The following ROBO2 variants were observed in gnomAD, a reference collection of about 807,000 sequenced individuals.
ROBO2 encodes the protein roundabout guidance receptor 2.
Under a neutral mutation model 160.8 loss-of-function variants are expected in ROBO2, and 53 were observed. That is an observed-to-expected ratio of 0.33 (90% CI 0.26 to 0.41). The LOEUF is 0.41. ROBO2 is among the 10% of genes least tolerant of loss of function. The probability of loss-of-function intolerance (pLI) is 1.00; values close to 1 mark genes in which losing one functional copy is unlikely to be tolerated. For missense variants in ROBO2, 1,577 were observed against 1,722.4 expected (o/e 0.92, Z 1.49); for synonymous variants, 664 against 611.7 (o/e 1.09, Z -1.26).
chr3:76,775,680 G>A (rs1305347822), intron 2 of ROBO2, among the ~76,000 whole-genome samples: 1 of 150,562 alleles, frequency 6.6e-6, no homozygotes, highest in Non-Finnish European at 1.5e-5. Context: ...TTTTCAGAAG[G>A]AAATATGAAT....
At chr3:76,131,669 G>C (rs1175239098) in intron 2 of ROBO2, among the ~76,000 whole-genome samples, 1 of 152,026 alleles carries the variant, frequency 6.6e-6, no homozygotes, top group Non-Finnish European at 1.5e-5. Flanking sequence ...TGATTTTATT[G>C]GTCATCGTTA....
intron 2 of ROBO2, among the ~76,000 whole-genome samples, chr3:76,301,829 G>GT (rs1441037708): frequency 2.6e-5 from 4 of 152,078 alleles, no homozygotes; most frequent in Non-Finnish European, 5.9e-5. Flanking sequence ...AGTGGGAGTA[G>GT]TAAGTGACAA....
chr3:77,444,162 G>A (rs919414220), intron 2 of ROBO2, among the ~76,000 whole-genome samples: 7 of 152,152 alleles, frequency 4.6e-5, no homozygotes, highest in East Asian at 1.9e-4. Flanking sequence ...CTATGGAATA[G>A]CATTTTAATA....
Position 76,546,505 on chromosome 3 carries a change from T to TC in ROBO2, c.110-551509_110-551508insC, listed in dbSNP as rs368004587. 1.9e-3 allele frequency among the ~76,000 whole-genome samples: 293 copies of TC among 151,962 alleles called. 1 individual carries two copies. The highest frequency in any genetic ancestry group is 6.4e-3 in the African/African-American group (265 of 41,542). ...TGACCTTACATTAGGGAGAGTATCT[T>TC]GAGTTGTCCAGGTGATTCTGATGTG... is the stretch of plus-strand genomic sequence containing the variant. On this transcript the variant is annotated intron_variant, in intron 2 of 26. Coordinates refer to the ROBO2 transcript ENST00000487694.
chr3:77,384,509 C>T (rs2073897138), intron 2 of ROBO2, among the ~76,000 whole-genome samples: 1 of 152,132 alleles, frequency 6.6e-6, no homozygotes, highest in Non-Finnish European at 1.5e-5. Context: ...ATACCTCTCT[C>T]CAACTTTTAG....
At chr3:76,352,960 T>C (rs915133329) in intron 2 of ROBO2, among the ~76,000 whole-genome samples, 2 of 151,962 alleles carry the variant, frequency 1.3e-5, no homozygotes, top group African/African-American at 2.4e-5. Flanking sequence ...TAGAACAACT[T>C]GTTAAATATT....
chr3:77,290,913 AG>A, intron 2 of ROBO2, among the ~76,000 whole-genome samples: 1 of 83,594 alleles, frequency 1.2e-5, no homozygotes, highest in Non-Finnish European at 3.3e-5. Context: ...AGATCACCCC[AG>A]ACATAAAGTA....
Position 77,534,886 on chromosome 3 carries a change from A to T in ROBO2, c.935-11452A>T, listed in dbSNP as rs183874714. Among the ~76,000 whole-genome samples, 93 of 152,276 alleles carry T rather than the reference A, an allele frequency of 6.1e-4. 1 individual carries two copies. Among genetic ancestry groups the T allele is most frequent in the Non-Finnish European group, 1.1e-3 (74 of 68,020 alleles). On this transcript the variant is annotated intron_variant, in intron 6 of 25. Coordinates refer to ENST00000461745, the Ensembl canonical transcript of ROBO2. ...ACTTACATGTGGTGGGGGCACACAA[A>T]TGTTGGTGCAGTTAATTGATACACG...
At chr3:76,796,956 C>G (rs1405756088) in intron 2 of ROBO2, among the ~76,000 whole-genome samples, 2 of 152,038 alleles carry the variant, frequency 1.3e-5, no homozygotes, top group Non-Finnish European at 2.9e-5. Flanking sequence ...AAGCAAATAT[C>G]TTCAGAGCTA....
At chr3:76,487,732 A>G (rs2079576451) in intron 2 of ROBO2, among the ~76,000 whole-genome samples, 1 of 152,202 alleles carries the variant, frequency 6.6e-6, no homozygotes, top group African/African-American at 2.4e-5. Context: ...TCCACTGGTG[A>G]AAGATCTTCC....
intron 2 of ROBO2, among the ~76,000 whole-genome samples, chr3:76,385,179 G>C (rs1418410585): frequency 1.3e-5 from 2 of 152,080 alleles, no homozygotes; most frequent in South Asian, 2.1e-4. Context: ...AATTTTTATA[G>C]AGACAGGGCT....
intron 2 of ROBO2, among the ~76,000 whole-genome samples, chr3:77,241,846 T>C (rs1025023304): frequency 2.0e-5 from 3 of 152,190 alleles, no homozygotes; most frequent in African/African-American, 7.2e-5. Context: ...TATCAGTCTT[T>C]CCTTTATGTG....
chr3:77,159,212 A>G (rs57092760), intron 2 of ROBO2, among the ~76,000 whole-genome samples: 124 of 152,232 alleles, frequency 8.1e-4, no homozygotes, highest in African/African-American at 2.9e-3. Flanking sequence ...TCTGCAGCTA[A>G]CATTGTTCTC....
At chr3:77,029,149 A>G (rs915622487) in intron 2 of ROBO2, among the ~76,000 whole-genome samples, 1 of 151,978 alleles carries the variant, frequency 6.6e-6, no homozygotes, top group Non-Finnish European at 1.5e-5. Context: ...GAGGCCCAAC[A>G]TCTTTATTTG....
At position 76,750,100 on chromosome 3, in the gene ROBO2, T is replaced by A. The variant is rs542910757; in HGVS notation, c.110-347914T>A. 3.3e-5 allele frequency among the ~76,000 whole-genome samples: 5 copies of A among 152,216 alleles called. No individual in the cohort carries two copies. The East Asian group carries it at 9.7e-4, about 29-fold the overall frequency. On this transcript the variant is annotated intron_variant, in intron 2 of 26. Transcript: ENST00000487694. ...AGCATGTCATAAAGCTTATCCACCATGATCAAGTGGGCTTCATCCCTGGGA... is the reference window on the plus strand; with the variant it reads ...AGCATGTCATAAAGCTTATCCACCAAGATCAAGTGGGCTTCATCCCTGGGA...
At chr3:76,440,056 A>T (rs760370322) in intron 2 of ROBO2, among the ~76,000 whole-genome samples, 1 of 152,054 alleles carries the variant, frequency 6.6e-6, no homozygotes, top group Non-Finnish European at 1.5e-5. Flanking sequence ...CTACATTTGC[A>T]TTCTGGGGAA....
intron 2 of ROBO2, among the ~76,000 whole-genome samples, chr3:77,406,776 A>C (rs1417552991): frequency 6.6e-6 from 1 of 152,122 alleles, no homozygotes; most frequent in Non-Finnish European, 1.5e-5. Context: ...CATTTCTCGG[A>C]GACAAGTCAC....
At chr3:76,989,137 A>G (rs775446419) in intron 2 of ROBO2, among the ~76,000 whole-genome samples, 14 of 152,174 alleles carry the variant, frequency 9.2e-5, no homozygotes, top group Non-Finnish European at 1.5e-4. Flanking sequence ...ATAGGGGAAG[A>G]AACTCATTTA....
intron 2 of ROBO2, among the ~76,000 whole-genome samples, chr3:76,272,795 T>TATATATATAAA (rs1553692975): frequency 5.0e-5 from 2 of 40,146 alleles, no homozygotes; most frequent in Admixed American, 4.3e-4. Context: ...ATAAAATATA[T>TATATATATAAA]ATATATAAAA....
Sources: gnomAD v4.1 joint callset for allele counts (sites outside exome capture counted in the v4.1 genomes callset) on GRCh38, gnomAD v4.1.1 for gene constraint, MANE v1.5 for transcripts, NCBI Gene and HGNC (gene_info 2026-07-23, HGNC 2026-07-21) for gene names.